PVALEF: variants seen among roughly 807,000 people sequenced by gnomAD.
PVALEF encodes parvalbumin-like EF-hand-containing protein.
A neutral mutation model predicts 1.2 loss-of-function variants in PVALEF; 2 were observed. The observed-to-expected ratio is 1.68, with a 90% CI of 0.69 to 5.28. The LOEUF is 5.28. PVALEF is among the 30% of genes most tolerant of loss of function. The pLI is 0.06. For synonymous variants in PVALEF, 16 were observed against 6.5 expected (o/e 2.47, Z -2.24); for missense variants, 35 against 17.7 (o/e 1.97, Z -1.75).
At chr17:81,170,405 C>T (rs2061516930) in intron 2 of PVALEF, among the ~76,000 whole-genome samples, 1 of 151,964 alleles carries the variant, frequency 6.6e-6, no homozygotes, top group Non-Finnish European at 1.5e-5. Context: ...TTATCAGGCC[C>T]CAGTCATTGC....
chr17:81,176,501 G>A (rs1422515003), intron 2 of PVALEF, among the ~76,000 whole-genome samples: 4 of 151,454 alleles, frequency 2.6e-5, no homozygotes, highest in Non-Finnish European at 4.4e-5. Flanking sequence ...CTGGGTGACA[G>A]AGCAAATCTC....
intron 2 of PVALEF, 103 bp downstream of exon 2, chr17:81,166,947 T>TGGGGC (rs1476913080): frequency 4.9e-5 from 16 of 324,638 alleles, no homozygotes; most frequent in Non-Finnish European, 8.7e-5. Context: ...CTTGCAGGGT[T>TGGGGC]GGGGCGGGGC....
chr17:81,170,066 GTA>G (rs900449698), intron 2 of PVALEF, among the ~76,000 whole-genome samples: 12 of 149,766 alleles, frequency 8.0e-5, no homozygotes, highest in African/African-American at 2.0e-4. Flanking sequence ...GTGTTGGTGT[GTA>G]TGTGTGTGCA....
At position 81,181,324 on chromosome 17, in the gene PVALEF, G is replaced by C. The variant is rs1398323877; in HGVS notation, c.98G>C (p.Arg33Thr). 4 of 682,822 alleles carry C rather than the reference G, an allele frequency of 5.9e-6. No individual in the cohort carries two copies. Among genetic ancestry groups the C allele is most frequent in the Non-Finnish European group, 1.1e-5 (4 of 374,480 alleles). 42.3% of individuals were successfully genotyped at this position (682,822 alleles called of 1,614,324 possible). A position where few individuals can be genotyped will look rare whatever the true frequency, so the allele number is the denominator to read the frequency against. ...KDIELLPTDM[R>T]HHGSFNYLKF... ...ATTGAGCTGCTGCCCACAGACATGA[G>C]ACACCACGGTACAGCATGCCCCCGC... Residue 33 changes from arginine to threonine, a missense_variant, in exon 4 of 7, where the codon AGA becomes ACA. Transcript: ENST00000637878.
In PVALEF at chr17:81,182,978, G is replaced by A. The variant is rs1409327307; in HGVS notation, c.372G>A (p.Leu124=). 1 of 398,528 alleles carries A rather than the reference G, an allele frequency of 2.5e-6. No homozygotes were observed. Among genetic ancestry groups the A allele is most frequent in the African/African-American group, 2.1e-5 (1 of 48,634 alleles). The allele number at this position is 398,528 out of a possible 1,614,324, so 24.7% of individuals were successfully genotyped here. A position where few individuals can be genotyped will look rare whatever the true frequency, so the allele number is the denominator to read the frequency against. ...GRINYEEFSE[L]IKKEKIPKKK is the part of the protein sequence containing the mutation. Reference sequence around the variant, plus strand: ...CTCCTGCTCTAGAATTTTCTGAATTGATCAAAAAGGAGAAAATTCCAAAGA... The same window carrying A: ...CTCCTGCTCTAGAATTTTCTGAATTAATCAAAAAGGAGAAAATTCCAAAGA... Residue 124 remains leucine (L), a synonymous_variant, in exon 7 of 7, where the codon TTG becomes TTA. Coordinates refer to ENST00000637878, the MANE Select transcript of PVALEF (RefSeq NM_001354639.2).
intron 2 of PVALEF, among the ~76,000 whole-genome samples, chr17:81,173,437 A>G (rs2061527015): frequency 1.3e-5 from 2 of 152,194 alleles, no homozygotes; most frequent in Admixed American, 1.3e-4. Context: ...GCCCCCATGA[A>G]GCAGCAGGTG....
chr17:81,172,720 C>T (rs531161536), intron 2 of PVALEF, among the ~76,000 whole-genome samples: 28 of 152,130 alleles, frequency 1.8e-4, no homozygotes, highest in East Asian at 7.7e-4. Context: ...GCCGAGACCG[C>T]GACACTGCAC....
chr17:81,181,762 G>A (rs1011381450), intron 5 of PVALEF, 68 bp downstream of exon 5: 25 of 398,716 alleles, frequency 6.3e-5, no homozygotes, highest in Admixed American at 5.7e-4. Flanking sequence ...CCCACATGGC[G>A]GACCCGGCCT....
chr17:81,169,159 C>T (rs1290194341), intron 2 of PVALEF, among the ~76,000 whole-genome samples: 1 of 152,164 alleles, frequency 6.6e-6, no homozygotes, highest in Non-Finnish European at 1.5e-5. Context: ...AGAAGGGGCA[C>T]AGGGCGTCTT....
intron 2 of PVALEF, among the ~76,000 whole-genome samples, chr17:81,176,064 T>C (rs1349299736): frequency 6.6e-6 from 1 of 152,182 alleles, no homozygotes; most frequent in African/African-American, 2.4e-5. Context: ...AGAGAACATA[T>C]GAAGAACTCC....
chr17:81,173,150 A>T (rs2146445768), intron 2 of PVALEF, among the ~76,000 whole-genome samples: 1 of 152,196 alleles, frequency 6.6e-6, no homozygotes, highest in Admixed American at 6.5e-5. Flanking sequence ...GATGCCGGCG[A>T]GGGGAGAGGT....
At chr17:81,172,796 G>A (rs1479331839) in intron 2 of PVALEF, among the ~76,000 whole-genome samples, 2 of 151,972 alleles carry the variant, frequency 1.3e-5, no homozygotes, top group African/African-American at 2.4e-5. Flanking sequence ...AAAGTTGCTG[G>A]ACCGTCCTCA....
At chr17:81,174,947 T>G (rs866034203) in intron 2 of PVALEF, among the ~76,000 whole-genome samples, 1 of 38,380 alleles carries the variant, frequency 2.6e-5, no homozygotes, top group Non-Finnish European at 7.0e-5. Context: ...AGACTCCGTC[T>G]CAAAAAAAAA....
At chr17:81,179,267 AC>A (rs1479161255) in intron 3 of PVALEF, 115 bp downstream of exon 3, 3 of 223,330 alleles carry the variant, frequency 1.3e-5, no homozygotes, top group African/African-American at 7.0e-5. Flanking sequence ...GCCCTGGGAG[AC>A]CCCAGGGGAC....
At chr17:81,167,321 G>T (rs1253263710) in intron 2 of PVALEF, among the ~76,000 whole-genome samples, 1 of 151,450 alleles carries the variant, frequency 6.6e-6, no homozygotes, top group Non-Finnish European at 1.5e-5. Flanking sequence ...TTGCAGTTGA[G>T]TTTGATGCAC....
intron 3 of PVALEF, among the ~76,000 whole-genome samples, chr17:81,180,542 C>T (rs1015258163): frequency 1.3e-5 from 2 of 152,204 alleles, no homozygotes; most frequent in African/African-American, 2.4e-5. Context: ...CGGGCAAGCC[C>T]ATTCCCCACC....
At chr17:81,178,075 A>G (rs186016311) in intron 2 of PVALEF, among the ~76,000 whole-genome samples, 75 of 152,242 alleles carry the variant, frequency 4.9e-4, no homozygotes, top group African/African-American at 1.7e-3. Context: ...TCTCTTGAAG[A>G]AGGAGGATAA....
chr17:81,171,961 C>G (rs1418488285), intron 2 of PVALEF, among the ~76,000 whole-genome samples: 2 of 152,214 alleles, frequency 1.3e-5, no homozygotes, highest in Non-Finnish European at 2.9e-5. Context: ...CTGCCCGTTC[C>G]CTTCTCCTGA....
At chr17:81,182,484 C>T (rs1027271413) in intron 6 of PVALEF, among the ~76,000 whole-genome samples, 6 of 152,206 alleles carry the variant, frequency 3.9e-5, no homozygotes, top group African/African-American at 1.4e-4. Context: ...CACCGCTTGC[C>T]CAGCCACCGG....
Sources: gnomAD v4.1 joint callset for allele counts (sites outside exome capture counted in the v4.1 genomes callset) on GRCh38, gnomAD v4.1.1 for gene constraint, MANE v1.5 for transcripts, NCBI Gene and HGNC (gene_info 2026-07-23, HGNC 2026-07-21) for gene names.